Variants in FAM117A observed in about 807,000 individuals in gnomAD.
FAM117A encodes protein FAM117A.
A neutral mutation model predicts 44.1 loss-of-function variants in FAM117A; 21 were observed. The observed-to-expected ratio is 0.48, with a 90% CI of 0.34 to 0.69. FAM117A has a LOEUF of 0.69. FAM117A is among the 30% of genes least tolerant of loss of function. FAM117A has a pLI of 0.01. For missense variants in FAM117A, 498 were observed against 589.9 expected (o/e 0.84, Z 1.61); for synonymous variants, 220 against 238.3 (o/e 0.92, Z 0.71).
intron 1 of FAM117A, among the ~76,000 whole-genome samples, chr17:49,774,775 G>T (rs2073771237): frequency 6.6e-6 from 1 of 152,168 alleles, no homozygotes; most frequent in South Asian, 2.1e-4. Flanking sequence ...ATCCACTCCT[G>T]AAAGTTGATG....
intron 2 of FAM117A, 91 bp from the exon 3 acceptor site, chr17:49,722,685 CT>C: frequency 1.0e-6 from 1 of 987,560 alleles, no homozygotes; most frequent in Non-Finnish European, 1.6e-6. Flanking sequence ...GGTGATGGCC[CT>C]TTGAGCCCTT....
chr17:49,717,650 G>A lies in FAM117A; in HGVS notation c.773C>T (p.Pro258Leu), dbSNP rs767727058. The A allele has an allele frequency of 2.7e-5, 43 of 1,613,908 alleles. 1 individual carries two copies. In the South Asian group the frequency reaches 4.5e-4, roughly 17 times the overall value. Residue 258 changes from proline to leucine, a missense_variant, in exon 6 of 8, where the codon CCC becomes CTC. Pro to Leu is a moderately conservative substitution (Grantham distance 98, BLOSUM62 -3). Coordinates refer to ENST00000240364, the MANE Select transcript of FAM117A (RefSeq NM_030802.4). ...APPQSGSCDHPLLLLEPGNLA... is the reference protein window; with the variant it reads ...APPQSGSCDHLLLLLEPGNLA... ...GTTGCCAGGCTCCAGGAGGAGGAGGGGATGATCACAGCTGCCACTCTGGGG... is the reference window on the plus strand; with the variant it reads ...GTTGCCAGGCTCCAGGAGGAGGAGGAGATGATCACAGCTGCCACTCTGGGG...
In FAM117A at chr17:49,711,563, A is replaced by G; in HGVS notation, c.1062-8T>C. ...AGGTCAGGACCTGGAGACCTGGAGG[A>G]TGAAGAGAGACACACAAGACACATA... On this transcript the variant is annotated splice_polypyrimidine_tract_variant and splice_region_variant and intron_variant, in intron 7 of 7. Transcript: ENST00000240364. 6.2e-7 allele frequency: 1 copy of G among 1,613,344 alleles called. No homozygotes were observed. The highest frequency in any genetic ancestry group is 8.5e-7 in the Non-Finnish European group (1 of 1,179,784).
In FAM117A at chr17:49,716,185, C is replaced by T. The variant is rs1448620134; in HGVS notation, c.1041G>A (p.Val347=). ...CTCACGTGGCTTCTTCAAACACACGCACTTTCTCACAGCCTTCTGGGGGCT... is the reference window on the plus strand; with the variant it reads ...CTCACGTGGCTTCTTCAAACACACGTACTTTCTCACAGCCTTCTGGGGGCT... The part of the protein sequence containing the change: ...KREPPEGCEK[V]RVFEEATSPG... The change falls in exon 7 of 8, where the codon GTG becomes GTA. Residue 347 remains valine, a synonymous_variant. Transcript: ENST00000240364. 2 of 1,613,040 alleles carry T rather than the reference C, an allele frequency of 1.2e-6. No individual in the cohort carries two copies. The highest frequency in any genetic ancestry group is 1.7e-6 in the Non-Finnish European group (2 of 1,179,798).
At chr17:49,718,058 G>A (rs1031042949) in intron 5 of FAM117A, 1 of 177,188 alleles carries the variant, frequency 5.6e-6, no homozygotes, top group African/African-American at 2.4e-5. Flanking sequence ...GGAACACAAA[G>A]ATGATAACGT....
intron 7 of FAM117A, among the ~76,000 whole-genome samples, chr17:49,715,466 A>G (rs2073497838): frequency 6.6e-6 from 1 of 152,146 alleles, no homozygotes; most frequent in African/African-American, 2.4e-5. Context: ...CAGGAAATGA[A>G]ATGAGCTCTT....
At chr17:49,745,847 G>A (rs1162128656) in intron 1 of FAM117A, among the ~76,000 whole-genome samples, 1 of 152,202 alleles carries the variant, frequency 6.6e-6, no homozygotes, top group Non-Finnish European at 1.5e-5. Flanking sequence ...ATAACCAAAA[G>A]GGGACTTTGG....
rs112611498 is a variant in FAM117A, at chr17:49,748,420, C to T, written c.196+15472G>A. Among the ~76,000 whole-genome samples the T allele has an allele frequency of 9.2e-3, 1,403 of 152,300 alleles. 7 individuals carry two copies. The highest frequency in any genetic ancestry group is 0.016 in the Non-Finnish European group (1,057 of 68,034). ...TTGAGGGCAGCCTCTTCGCATCCTC[C>T]TGCATCTTGCCCTGATTCTGGTTGG... On this transcript the variant is annotated intron_variant, in intron 1 of 7. Coordinates refer to ENST00000240364, the MANE Select transcript of FAM117A (RefSeq NM_030802.4).
chr17:49,742,204 C>T (rs1014719505), intron 1 of FAM117A, among the ~76,000 whole-genome samples: 1 of 152,134 alleles, frequency 6.6e-6, no homozygotes, highest in African/African-American at 2.4e-5. Context: ...TTACTGACTC[C>T]ATATTTAAGT....
intron 1 of FAM117A, among the ~76,000 whole-genome samples, chr17:49,748,639 C>A (rs900710032): frequency 4.6e-5 from 7 of 152,106 alleles, no homozygotes; most frequent in Non-Finnish European, 8.8e-5. Flanking sequence ...ATTTTGATGA[C>A]AACTTAACCA....
At chr17:49,720,697 T>A (rs1360129441) in intron 3 of FAM117A, among the ~76,000 whole-genome samples, 2 of 152,298 alleles carry the variant, frequency 1.3e-5, no homozygotes, top group Non-Finnish European at 1.5e-5. Flanking sequence ...ATTTTGTCTT[T>A]TACAGATTCC....
intron 1 of FAM117A, among the ~76,000 whole-genome samples, chr17:49,733,568 G>A (rs1010030167): frequency 5.3e-5 from 8 of 152,046 alleles, no homozygotes; most frequent in African/African-American, 1.7e-4. Context: ...AGCTACTCAG[G>A]AGGCTGAGGC....
chr17:49,713,665 C>T (rs566731920), intron 7 of FAM117A, among the ~76,000 whole-genome samples: 13 of 151,982 alleles, frequency 8.6e-5, no homozygotes, highest in Non-Finnish European at 1.9e-4. Flanking sequence ...CACCACCACA[C>T]CTGGATAATA....
chr17:49,737,704 T>C (rs2073616974), intron 1 of FAM117A, among the ~76,000 whole-genome samples: 1 of 152,184 alleles, frequency 6.6e-6, no homozygotes, highest in Admixed American at 6.5e-5. Flanking sequence ...CAAAGTACTT[T>C]GGTGTGCTGT....
chr17:49,769,705 A>G (rs1229099511), intron 1 of FAM117A, among the ~76,000 whole-genome samples: 4 of 151,984 alleles, frequency 2.6e-5, no homozygotes, highest in Non-Finnish European at 4.4e-5. Flanking sequence ...ACTCCGTCTC[A>G]AAAAATAAAT....
At chr17:49,744,146 C>A (rs2073645292) in intron 1 of FAM117A, among the ~76,000 whole-genome samples, 1 of 152,196 alleles carries the variant, frequency 6.6e-6, no homozygotes, top group Admixed American at 6.5e-5. Flanking sequence ...ACAGTCATCA[C>A]TCGGTATCCA....
intron 1 of FAM117A, among the ~76,000 whole-genome samples, chr17:49,751,224 G>A (rs1384865064): frequency 3.4e-5 from 5 of 148,672 alleles, no homozygotes; most frequent in African/African-American, 1.2e-4. Flanking sequence ...AAGTTGCAGT[G>A]AGGTGAGACC....
At chr17:49,713,924 G>C (rs565397317) in intron 7 of FAM117A, among the ~76,000 whole-genome samples, 30 of 152,292 alleles carry the variant, frequency 2.0e-4, no homozygotes, top group Middle Eastern at 6.8e-3. Context: ...GGCCCACGTG[G>C]TGGGTGTGTT....
intron 1 of FAM117A, among the ~76,000 whole-genome samples, chr17:49,782,979 C>T (rs1346533675): frequency 4.6e-5 from 7 of 152,302 alleles, no homozygotes; most frequent in Admixed American, 3.9e-4. Context: ...TGCCTGCAGT[C>T]TAAATGTCTC....
Sources: allele counts gnomAD v4.1 joint callset (sites outside exome capture counted in the v4.1 genomes callset), GRCh38; gene constraint gnomAD v4.1.1; transcripts MANE v1.5; gene names NCBI Gene and HGNC (gene_info 2026-07-23, HGNC 2026-07-21).